ZCWPW2: variants seen among roughly 807,000 people sequenced by gnomAD.
ZCWPW2 encodes the protein zinc finger CW-type and PWWP domain containing 2.
In ZCWPW2, 45 loss-of-function variants were observed where a neutral mutation model predicts 46.6. That is an observed-to-expected ratio of 0.96 (90% CI 0.76 to 1.24). The LOEUF (loss-of-function observed/expected upper bound fraction) is 1.24. Ranked by LOEUF, ZCWPW2 falls within the 50% of genes most tolerant of loss-of-function variation. The pLI is 0.00. For synonymous variants in ZCWPW2, 152 were observed against 137.1 expected (o/e 1.11, Z -0.76); for missense variants, 429 against 403.9 (o/e 1.06, Z -0.53).
chr3:28,482,518 G>A (rs1450036303), intron 5 of ZCWPW2, among the ~76,000 whole-genome samples: 2 of 151,020 alleles, frequency 1.3e-5, no homozygotes, highest in East Asian at 1.9e-4. Flanking sequence ...TAAATACCAA[G>A]GAACACAATT....
chr3:28,386,394 T>C (rs908354610), intron 1 of ZCWPW2, among the ~76,000 whole-genome samples: 5 of 152,074 alleles, frequency 3.3e-5, no homozygotes, highest in Non-Finnish European at 5.9e-5. Context: ...TCTAAGAAAA[T>C]TAATAAGTTG....
chr3:28,384,189 A>G (rs1695193895), intron 1 of ZCWPW2, among the ~76,000 whole-genome samples: 1 of 152,154 alleles, frequency 6.6e-6, no homozygotes. Context: ...ACTAGACCCA[A>G]CCACAGTCTT....
intron 6 of ZCWPW2, among the ~76,000 whole-genome samples, chr3:28,504,099 A>G (rs753196207): frequency 2.0e-5 from 3 of 151,976 alleles, no homozygotes; most frequent in Non-Finnish European, 4.4e-5. Context: ...CAAGAGGCTG[A>G]GGTGGGAGGA....
At chr3:28,504,385 G>C (rs73823980) in intron 6 of ZCWPW2, among the ~76,000 whole-genome samples, 4,440 of 151,700 alleles carry the variant, frequency 0.029, 193 homozygotes, top group African/African-American at 0.095. Flanking sequence ...ATGTATGAGA[G>C]AGATCTTCTT....
At chr3:28,491,856 C>A (rs1241884543) in intron 5 of ZCWPW2, among the ~76,000 whole-genome samples, 1 of 152,016 alleles carries the variant, frequency 6.6e-6, no homozygotes, top group Non-Finnish European at 1.5e-5. Context: ...ATATACTAGA[C>A]ACCAACTTGA....
At chr3:28,488,254 G>A (rs1699674128) in intron 5 of ZCWPW2, among the ~76,000 whole-genome samples, 1 of 152,094 alleles carries the variant, frequency 6.6e-6, no homozygotes, top group South Asian at 2.1e-4. Flanking sequence ...CCCTGCTCAG[G>A]TTGGTTGTGA....
chr3:28,520,949 A>G, intron 8 of ZCWPW2, 43 bp from the exon 9 acceptor site: 1 of 1,606,914 alleles, frequency 6.2e-7, no homozygotes, highest in Non-Finnish European at 8.5e-7. Flanking sequence ...GATTGAATTA[A>G]GTGAGATGTA....
chr3:28,399,845 A>T (rs1447037489), intron 2 of ZCWPW2, among the ~76,000 whole-genome samples: 1 of 152,106 alleles, frequency 6.6e-6, no homozygotes, highest in Non-Finnish European at 1.5e-5. Flanking sequence ...CAGAAAATCA[A>T]CTCTGGTAAT....
At position 28,413,084 on chromosome 3, in the gene ZCWPW2, T is replaced by C. The variant is rs1382307989; in HGVS notation, c.16T>C (p.Leu6=). Reference sequence around the variant, plus strand: ...AAATGCCTTAATGGATAAAGAAAAATTGGATGTTAAGATTGAATATTGTAA... The same window carrying C: ...AAATGCCTTAATGGATAAAGAAAAACTGGATGTTAAGATTGAATATTGTAA... The part of the protein sequence containing the change: MDKEK[L]DVKIEYCNYA... Residue 6 remains leucine (L), a synonymous_variant, in exon 3 of 10, where the codon TTG becomes CTG. Coordinates refer to ENST00000383768, the MANE Select transcript of ZCWPW2 (RefSeq NM_001040432.4). The C allele has an allele frequency of 1.2e-5, 20 of 1,608,686 alleles. No individual in the cohort carries two copies. The highest frequency in any genetic ancestry group is 1.4e-5 in the Non-Finnish European group (17 of 1,176,902).
At chr3:28,368,421 T>C (rs1705201620) in intron 1 of ZCWPW2, among the ~76,000 whole-genome samples, 4 of 152,190 alleles carry the variant, frequency 2.6e-5, no homozygotes, top group African/African-American at 4.8e-5. Flanking sequence ...CTTATGAAGC[T>C]TAGTTTGGCT....
intron 4 of ZCWPW2, among the ~76,000 whole-genome samples, chr3:28,470,975 C>T (rs1315616915): frequency 6.6e-6 from 1 of 152,046 alleles, no homozygotes; most frequent in African/African-American, 2.4e-5. Flanking sequence ...CTACCATGAG[C>T]AACTATATGC....
intron 9 of ZCWPW2, among the ~76,000 whole-genome samples, chr3:28,524,099 C>G (rs574140701): frequency 5.3e-5 from 8 of 151,870 alleles, no homozygotes; most frequent in Admixed American, 3.9e-4. Context: ...TTACTAGTAT[C>G]CTTTCCCACT....
chr3:28,521,299 C>T (rs184204128), intron 9 of ZCWPW2, among the ~76,000 whole-genome samples, 183 bp downstream of exon 9: 49 of 152,254 alleles, frequency 3.2e-4, no homozygotes, highest in African/African-American at 1.2e-3. Flanking sequence ...ACACATCTAT[C>T]AGGATTTGAA....
Position 28,413,410 on chromosome 3 carries a change from G to C in ZCWPW2, c.332+10G>C, listed in dbSNP as rs367885623. On this transcript the variant is annotated intron_variant, in intron 3 of 9. Transcript: ENST00000383768. ...TACAGAATTGGCCAAGGTAAGGTTT[G>C]TGTAGTTTTATGACTTTTGAAATGT... 5 of 1,588,390 alleles carry C rather than the reference G, an allele frequency of 3.1e-6. No individual in the cohort carries two copies. In the African/African-American group the frequency reaches 4.1e-5, roughly 13 times the overall value.
chr3:28,371,682 A>G (rs376459840), intron 1 of ZCWPW2, among the ~76,000 whole-genome samples: 2 of 152,050 alleles, frequency 1.3e-5, no homozygotes, highest in African/African-American at 4.8e-5. Context: ...ATAAATAAAT[A>G]ATAAATAAAT....
chr3:28,349,076 G>A lies in ZCWPW2; in HGVS notation c.-261G>A, dbSNP rs1704414176. On this transcript the variant is annotated 5_prime_UTR_variant, in exon 1 of 10. Coordinates refer to ENST00000383768, the MANE Select transcript of ZCWPW2 (RefSeq NM_001040432.4). ...AGGGAGCTGGGAGGGCGTTAGCGAA[G>A]CCAGGTTCGGTCGTGGGGGTGGGGA... The A allele has an allele frequency of 1.0e-6, 1 of 985,776 alleles. No individual in the cohort carries two copies. Among genetic ancestry groups the A allele is most frequent in the Non-Finnish European group, 1.2e-6 (1 of 830,166 alleles). 61.1% of individuals were successfully genotyped at this position (985,776 alleles called of 1,614,324 possible).
At chr3:28,492,197 A>G in intron 6 of ZCWPW2, 24 bp downstream of exon 6, 1 of 1,570,670 alleles carries the variant, frequency 6.4e-7, no homozygotes, top group Non-Finnish European at 8.6e-7. Context: ...TTATTATATA[A>G]AATATACAAA....
Position 28,368,012 on chromosome 3 carries a change from A to G in ZCWPW2, c.-134+18809A>G, listed in dbSNP as rs572040639. Among the ~76,000 whole-genome samples the G allele has an allele frequency of 2.0e-5, 3 of 152,044 alleles. No homozygotes were observed. The East Asian group carries it at 5.8e-4, about 29-fold the overall frequency. The stretch of plus-strand genomic sequence containing the variant: ...CCATTTGCTTGGTAGATCTTCCTCC[A>G]TCCCTTTATTTTGAGCCTATATGTA... On this transcript the variant is annotated intron_variant, in intron 1 of 9. Transcript: ENST00000383768.
At chr3:28,410,299 C>A (rs1696349938) in intron 2 of ZCWPW2, among the ~76,000 whole-genome samples, 1 of 151,804 alleles carries the variant, frequency 6.6e-6, no homozygotes, top group South Asian at 2.1e-4. Flanking sequence ...AATATATCAA[C>A]CATTTAGTAT....
Sources: allele counts gnomAD v4.1 joint callset (sites outside exome capture counted in the v4.1 genomes callset), GRCh38; gene constraint gnomAD v4.1.1; transcripts MANE v1.5; gene names NCBI Gene and HGNC (gene_info 2026-07-23, HGNC 2026-07-21).